The following DLG2 variants were observed in gnomAD, a reference collection of about 807,000 sequenced individuals.
DLG2 encodes discs large MAGUK scaffold protein 2, also known as disks large homolog 2.
DLG2 carries 45 observed loss-of-function variants against 132.5 expected under a neutral mutation model. That is an observed-to-expected ratio of 0.34 (90% CI 0.27 to 0.44). DLG2 has a LOEUF of 0.44. Ranked by LOEUF, DLG2 falls within the 20% of genes least tolerant of loss-of-function variation. The pLI, the probability that DLG2 is intolerant of heterozygous loss-of-function variation, is 1.00. For missense variants in DLG2, 1,045 were observed against 1,196.9 expected (o/e 0.87, Z 1.87); for synonymous variants, 424 against 419.6 (o/e 1.01, Z -0.13).
intron 19 of DLG2, among the ~76,000 whole-genome samples, chr11:83,613,304 A>G (rs978387000): frequency 2.6e-5 from 4 of 152,224 alleles, no homozygotes; most frequent in African/African-American, 9.6e-5. Flanking sequence ...AGTCATTGCT[A>G]TATACACATG....
intron 6 of DLG2, among the ~76,000 whole-genome samples, chr11:84,763,813 TA>T (rs2068003606): frequency 1.3e-5 from 2 of 152,220 alleles, no homozygotes; most frequent in Admixed American, 1.3e-4. Context: ...AACTGATCTA[TA>T]AAATGTTTCA....
At chr11:84,973,214 C>T (rs903607713) in intron 6 of DLG2, among the ~76,000 whole-genome samples, 2 of 152,074 alleles carry the variant, frequency 1.3e-5, no homozygotes, top group Non-Finnish European at 2.9e-5. Flanking sequence ...CTGCCTCAGC[C>T]TCCCAAAGTG....
At chr11:83,898,336 A>G (rs1008382575) in intron 15 of DLG2, among the ~76,000 whole-genome samples, 49 of 152,250 alleles carry the variant, frequency 3.2e-4, no homozygotes, top group African/African-American at 1.1e-3. Flanking sequence ...CATTACCTCA[A>G]GAAAACTATA....
chr11:83,522,839 G>A (rs2095518199), intron 21 of DLG2, among the ~76,000 whole-genome samples: 1 of 144,280 alleles, frequency 6.9e-6, no homozygotes, highest in African/African-American at 2.6e-5. Flanking sequence ...CAAAATGCAA[G>A]GTAATTAGGT....
At chr11:84,833,165 G>A (rs1401067162) in intron 6 of DLG2, among the ~76,000 whole-genome samples, 1 of 151,484 alleles carries the variant, frequency 6.6e-6, no homozygotes, top group Non-Finnish European at 1.5e-5. Context: ...AAGAAAAAAA[G>A]AAATTATCAT....
At chr11:85,580,261 C>T (rs778585947) in intron 3 of DLG2, among the ~76,000 whole-genome samples, 3 of 152,144 alleles carry the variant, frequency 2.0e-5, no homozygotes, top group Non-Finnish European at 4.4e-5. Context: ...AGCATAAAAA[C>T]GGACTAATAC....
chr11:84,298,416 C>G (rs980004637), intron 7 of DLG2, among the ~76,000 whole-genome samples: 1 of 152,042 alleles, frequency 6.6e-6, no homozygotes, highest in Non-Finnish European at 1.5e-5. Flanking sequence ...GTTCAGAGAC[C>G]CAATCACAGT....
At chr11:85,501,641 T>G (rs1296081741) in intron 3 of DLG2, among the ~76,000 whole-genome samples, 1 of 152,108 alleles carries the variant, frequency 6.6e-6, no homozygotes, top group Non-Finnish European at 1.5e-5. Flanking sequence ...AAGAAGACAT[T>G]TAGCTAGCCA....
At chr11:85,136,071 G>C (rs2076123483) in intron 5 of DLG2, among the ~76,000 whole-genome samples, 1 of 152,174 alleles carries the variant, frequency 6.6e-6, no homozygotes, top group Non-Finnish European at 1.5e-5. Context: ...TCAGCAATAT[G>C]TTATACCTTT....
chr11:83,985,195 C>A (rs79673873), intron 11 of DLG2, among the ~76,000 whole-genome samples: 1 of 152,078 alleles, frequency 6.6e-6, no homozygotes, highest in Non-Finnish European at 1.5e-5. Context: ...CCTTATAAGA[C>A]CTAGACTGGC....
At chr11:84,115,076 T>TG (rs2154195912) in intron 9 of DLG2, among the ~76,000 whole-genome samples, 1 of 152,344 alleles carries the variant, frequency 6.6e-6, no homozygotes, top group African/African-American at 2.4e-5. Context: ...CCATTGGCAG[T>TG]GGTAAGGATT....
intron 3 of DLG2, among the ~76,000 whole-genome samples, chr11:85,312,486 G>T (rs947417005): frequency 5.3e-5 from 8 of 151,184 alleles, no homozygotes; most frequent in Non-Finnish European, 1.2e-4. Context: ...CATTCTTTGA[G>T]ATGTTATAAA....
chr11:84,921,054 A>G (rs980297780), intron 6 of DLG2, among the ~76,000 whole-genome samples: 2 of 152,144 alleles, frequency 1.3e-5, no homozygotes, highest in Admixed American at 6.5e-5. Context: ...AGTTCTTGTA[A>G]CAATAGAAAT....
chr11:84,183,905 T>G (rs1229492534), intron 8 of DLG2, among the ~76,000 whole-genome samples: 1 of 152,196 alleles, frequency 6.6e-6, no homozygotes, highest in Non-Finnish European at 1.5e-5. Context: ...GGACATGAAC[T>G]CATCCTTTTT....
At chr11:85,231,603 G>C (rs1397777060) in intron 4 of DLG2, among the ~76,000 whole-genome samples, 1 of 151,644 alleles carries the variant, frequency 6.6e-6, no homozygotes, top group East Asian at 1.9e-4. Flanking sequence ...TCTTAAAGTA[G>C]CTGGCAATTG....
chr11:85,522,838 G>T (rs1360372998), intron 3 of DLG2, among the ~76,000 whole-genome samples: 2 of 152,166 alleles, frequency 1.3e-5, no homozygotes. Context: ...TATCTAACTT[G>T]CTTTCTATTT....
chr11:85,570,899 A>G (rs1270064419), intron 3 of DLG2, among the ~76,000 whole-genome samples: 1 of 152,116 alleles, frequency 6.6e-6, no homozygotes, highest in Non-Finnish European at 1.5e-5. Context: ...GAGCCTCTTC[A>G]GTAAATCTTT....
intron 7 of DLG2, among the ~76,000 whole-genome samples, chr11:84,368,868 A>G (rs2154427534): frequency 6.6e-6 from 1 of 152,248 alleles, no homozygotes; most frequent in Non-Finnish European, 1.5e-5. Flanking sequence ...GAAAAAGTAT[A>G]TTTGTATATA....
At chr11:85,251,390 G>A (rs992771453) in intron 4 of DLG2, among the ~76,000 whole-genome samples, 2 of 151,982 alleles carry the variant, frequency 1.3e-5, no homozygotes, top group Non-Finnish European at 2.9e-5. Flanking sequence ...CTTTTTATGG[G>A]AATCAAATGA....
Sources: gnomAD v4.1 joint callset for allele counts (sites outside exome capture counted in the v4.1 genomes callset) on GRCh38, gnomAD v4.1.1 for gene constraint, MANE v1.5 for transcripts, NCBI Gene and HGNC (gene_info 2026-07-23, HGNC 2026-07-21) for gene names.